The following EVL variants were observed in gnomAD, a reference collection of about 807,000 sequenced individuals.
The protein encoded by EVL is ena/VASP-like protein.
EVL carries 21 observed loss-of-function variants against 59.6 expected under a neutral mutation model. That is an observed-to-expected ratio of 0.35 (90% CI 0.25 to 0.51). The LOEUF is 0.51. Among genes scored for constraint, EVL ranks in the 20% least tolerant of loss-of-function variants. The pLI is 0.97. For synonymous variants in EVL, 198 were observed against 203.5 expected (o/e 0.97, Z 0.23); for missense variants, 462 against 546.6 (o/e 0.85, Z 1.54).
upstream of EVL, among the ~76,000 whole-genome samples, chr14:100,063,779 C>A (rs1313583051): frequency 6.6e-6 from 1 of 152,164 alleles, no homozygotes; most frequent in African/African-American, 2.4e-5. Flanking sequence ...TGTGCATATG[C>A]TACATCCGCC....
intron 3 of EVL, among the ~76,000 whole-genome samples, chr14:100,116,701 C>T (rs1374622116): frequency 1.3e-5 from 2 of 152,204 alleles, no homozygotes; most frequent in African/African-American, 2.4e-5. Flanking sequence ...GATTCTCCTC[C>T]GTAGGGTCTC....
intron 1 of EVL, among the ~76,000 whole-genome samples, chr14:100,003,609 G>A (rs909802185): frequency 5.9e-5 from 9 of 151,978 alleles, no homozygotes; most frequent in Admixed American, 3.3e-4. Flanking sequence ...TAGAGACGGG[G>A]TTTCACCATG....
At chr14:100,069,564 C>G (rs2062006315) in intron 1 of EVL, among the ~76,000 whole-genome samples, 1 of 152,220 alleles carries the variant, frequency 6.6e-6, no homozygotes, top group Non-Finnish European at 1.5e-5. Flanking sequence ...AGTCCGTTCA[C>G]TCTCCATGGG....
At chr14:100,034,082 C>CA (rs113566079) in intron 1 of EVL, among the ~76,000 whole-genome samples, 9,960 of 148,138 alleles carry the variant, frequency 0.067, 1,102 homozygotes, top group African/African-American at 0.23. Flanking sequence ...AAACAAAAAA[C>CA]AAAAAAAAAC....
chr14:100,128,876 C>T, intron 6 of EVL, 128 bp downstream of exon 6: 1 of 755,856 alleles, frequency 1.3e-6, no homozygotes, highest in Non-Finnish European at 2.2e-6. Flanking sequence ...GCTAGCTGGC[C>T]CTTGGCCACT....
chr14:100,062,688 C>A (rs1259711234), upstream of EVL, among the ~76,000 whole-genome samples: 3 of 152,072 alleles, frequency 2.0e-5, no homozygotes, highest in Non-Finnish European at 4.4e-5. Context: ...TCATACACTA[C>A]CTATAGGACA....
chr14:99,993,682 TTTC>T (rs1465647867), intron 1 of EVL, among the ~76,000 whole-genome samples: 40 of 141,746 alleles, frequency 2.8e-4, no homozygotes, highest in African/African-American at 9.4e-4. Flanking sequence ...TGTTTCTTTC[TTTC>T]TTTTTTTTTT....
Position 100,084,801 on chromosome 14 carries a change from C to A in EVL, c.126C>A (p.His42Gln). 1 of 1,614,200 alleles carries A rather than the reference C, an allele frequency of 6.2e-7. No homozygotes were observed. The highest frequency in any genetic ancestry group is 2.2e-5 in the East Asian group (1 of 44,886). The change falls in exon 2 of 14, where the codon CAC becomes CAA. Residue 42 changes from histidine (H) to glutamine (Q), a missense_variant. His to Gln is a conservative substitution (Grantham distance 24). Transcript: ENST00000392920. ...QQGFSRINIY[H>Q]NTASNTFRVV... The stretch of plus-strand genomic sequence containing the variant: ...GATTCAGCCGGATCAACATCTACCA[C>A]AACACTGCCAGCAACACCTTCAGAG...
intron 1 of EVL, among the ~76,000 whole-genome samples, chr14:99,981,937 G>C (rs1277069741): frequency 6.6e-6 from 1 of 152,176 alleles, no homozygotes; most frequent in Non-Finnish European, 1.5e-5. Context: ...AGGGACTCTT[G>C]AGTTGCCACA....
chr14:100,136,452 G>A (rs1888792388), intron 9 of EVL, among the ~76,000 whole-genome samples: 1 of 152,224 alleles, frequency 6.6e-6, no homozygotes, highest in Non-Finnish European at 1.5e-5. Flanking sequence ...CTCTGTCTAA[G>A]CTGTGGCAGA....
chr14:100,136,308 G>A (rs1888784004), intron 9 of EVL, among the ~76,000 whole-genome samples: 1 of 152,220 alleles, frequency 6.6e-6, no homozygotes, highest in Admixed American at 6.5e-5. Context: ...GCAGGCTGGG[G>A]CCAGTGCTCT....
intron 4 of EVL, among the ~76,000 whole-genome samples, chr14:100,126,483 G>A (rs1566719830): frequency 1.3e-5 from 2 of 152,204 alleles, no homozygotes; most frequent in Non-Finnish European, 2.9e-5. Context: ...TGTGTTCAGT[G>A]TGCCTGAGAC....
intron 2 of EVL, among the ~76,000 whole-genome samples, chr14:100,094,475 C>T (rs1487451142): frequency 1.3e-5 from 2 of 152,186 alleles, no homozygotes; most frequent in Non-Finnish European, 2.9e-5. Context: ...GGCCCAGTGG[C>T]TCATGCCTGT....
chr14:100,047,538 GCCAGT>G (rs1292560503), intron 1 of EVL, among the ~76,000 whole-genome samples: 1 of 152,194 alleles, frequency 6.6e-6, no homozygotes, highest in South Asian at 2.1e-4. Context: ...GCTTTCCTCA[GCCAGT>G]TGTCAGATGT....
At chr14:100,006,009 T>TCC (rs58699616) in intron 1 of EVL, among the ~76,000 whole-genome samples, 1,835 of 114,528 alleles carry the variant, frequency 0.016, 30 homozygotes, top group Non-Finnish European at 0.024. Context: ...GCTGGCCATT[T>TCC]CCCCCCCCCC....
At chr14:100,112,340 T>C (rs1372318010) in intron 3 of EVL, among the ~76,000 whole-genome samples, 2 of 152,200 alleles carry the variant, frequency 1.3e-5, no homozygotes, top group African/African-American at 4.8e-5. Flanking sequence ...CAGCAGCCAC[T>C]GTCTGACTGG....
intron 1 of EVL, among the ~76,000 whole-genome samples, chr14:100,028,809 C>A (rs1343879104): frequency 2.0e-5 from 3 of 151,780 alleles, no homozygotes; most frequent in East Asian, 1.9e-4. Flanking sequence ...GATTCCATCT[C>A]AAAAAAAATC....
At chr14:100,126,625 G>A in intron 4 of EVL, 82 bp from the exon 5 acceptor site, 2 of 1,478,164 alleles carry the variant, frequency 1.4e-6, no homozygotes, top group Non-Finnish European at 1.9e-6. Flanking sequence ...TGAAGCCGGG[G>A]CCGGCGGGTA....
chr14:99,991,620 T>C (rs895191742), intron 1 of EVL, among the ~76,000 whole-genome samples: 2 of 152,176 alleles, frequency 1.3e-5, no homozygotes, highest in Non-Finnish European at 2.9e-5. Flanking sequence ...ATGTCTTTTG[T>C]TTCCAAAGTT....
Sources: gnomAD v4.1 joint callset for allele counts (sites outside exome capture counted in the v4.1 genomes callset) on GRCh38, gnomAD v4.1.1 for gene constraint, MANE v1.5 for transcripts, NCBI Gene and HGNC (gene_info 2026-07-23, HGNC 2026-07-21) for gene names.